The following ERICH1 variants were observed in gnomAD, a reference collection of about 807,000 sequenced individuals.
ERICH1 encodes the protein glutamate rich 1.
ERICH1 carries 56 observed loss-of-function variants against 39.6 expected under a neutral mutation model. The ratio of observed to expected loss-of-function variants is 1.41; its 90% confidence interval spans 1.14 to 1.77. The LOEUF (loss-of-function observed/expected upper bound fraction) is 1.77. Among genes scored for constraint, ERICH1 ranks in the 40% most tolerant of loss-of-function variants. The pLI, the probability that ERICH1 is intolerant of heterozygous loss-of-function variation, is 0.00. For synonymous variants in ERICH1, 313 were observed against 223.6 expected, an observed-to-expected ratio of 1.40 and a Z score of -3.57; for missense variants, 826 against 575.4, an observed-to-expected ratio of 1.44 and a Z score of -4.45.
intron 3 of ERICH1, among the ~76,000 whole-genome samples, chr8:680,750 A>G (rs1287487424): frequency 2.0e-5 from 3 of 152,256 alleles, no homozygotes; most frequent in Admixed American, 2.0e-4. Context: ...CAGGAGAAAA[A>G]GGAATGTGCC....
chr8:649,554 G>T (rs1209858290), intron 3 of ERICH1, among the ~76,000 whole-genome samples: 1 of 151,974 alleles, frequency 6.6e-6, no homozygotes, highest in African/African-American at 2.4e-5. Flanking sequence ...GGAGAGGTGA[G>T]CCCTGTTGTC....
chr8:693,132 CACAGAT>C (rs1160396685), intron 2 of ERICH1, among the ~76,000 whole-genome samples: 4 of 152,010 alleles, frequency 2.6e-5, no homozygotes, highest in South Asian at 4.2e-4. Context: ...CAGAGACACA[CACAGAT>C]ACAAACAGAC....
At chr8:662,194 A>G (rs116502222), downstream of ERICH1, among the ~76,000 whole-genome samples, 1,708 of 152,318 alleles carry the variant, frequency 0.011, 28 homozygotes, top group African/African-American at 0.039. Context: ...AAGGCTACAC[A>G]TGACCCACCA....
In ERICH1 at chr8:725,054, C is replaced by T. The variant is rs139213005; in HGVS notation, c.22+6086G>A. On this transcript the variant is annotated intron_variant, in intron 1 of 5. Transcript: ENST00000262109. ...ATGCCTGCTCACCTGCTGACCCCTC[C>T]GGCTTCTGTACCTGCTGTCCCCTCC... 3.8e-3 allele frequency: 629 copies of T among 165,688 alleles called. 3 individuals carry two copies. Among genetic ancestry groups the T allele is most frequent in the African/African-American group, 0.012 (495 of 41,648 alleles). 10.3% of individuals were successfully genotyped at this position (165,688 alleles called of 1,614,324 possible).
downstream of ERICH1, among the ~76,000 whole-genome samples, chr8:661,472 C>G (rs1270692690): frequency 6.6e-6 from 1 of 152,182 alleles, no homozygotes; most frequent in Non-Finnish European, 1.5e-5. Flanking sequence ...CTTCTAGGCA[C>G]AACTGTCTTA....
chr8:702,334 A>T (rs1034815201), intron 2 of ERICH1, among the ~76,000 whole-genome samples: 1 of 152,128 alleles, frequency 6.6e-6, no homozygotes, highest in African/African-American at 2.4e-5. Context: ...GAGAAACAAG[A>T]ACGCCGGCGA....
chr8:634,036 G>T (rs1236923666), intron 3 of ERICH1, among the ~76,000 whole-genome samples: 1 of 151,886 alleles, frequency 6.6e-6, no homozygotes, highest in Non-Finnish European at 1.5e-5. Context: ...GGGACTGCGT[G>T]GAAACAAAAA....
rs755963476 is a variant in ERICH1, at chr8:715,843, A to C, written c.169+18T>G. Reference sequence around the variant, plus strand: ...ACTTCAGTTTCTGAGACCCACCCACATCTGCAGACAAACTCACCTGTCAAA... The same window carrying C: ...ACTTCAGTTTCTGAGACCCACCCACCTCTGCAGACAAACTCACCTGTCAAA... On this transcript the variant is annotated intron_variant, in intron 2 of 5. Coordinates refer to ENST00000262109, the MANE Select transcript of ERICH1 (RefSeq NM_207332.3). 6.2e-6 allele frequency: 10 copies of C among 1,601,510 alleles called. No individual in the cohort carries two copies. In the African/African-American group the frequency reaches 1.2e-4, roughly 19 times the overall value.
rs1811639360 is a variant in ERICH1, at chr8:700,234, GGCCCGC to G, written c.170-7628_170-7623del. On this transcript the variant is annotated intron_variant, in intron 2 of 5. Coordinates refer to ENST00000262109, the MANE Select transcript of ERICH1 (RefSeq NM_207332.3). ...GCGCACACACCCGCACACGCGCACA[GGCCCGC>G]ACAGGCCCGCACACGCGCACAGGCC... Among the ~76,000 whole-genome samples the G allele has an allele frequency of 1.1e-4, 5 of 47,368 alleles. 1 individual carries two copies. Among genetic ancestry groups the G allele is most frequent in the Admixed American group, 2.3e-4 (1 of 4,316 alleles). The allele number at this position is 47,368 out of a possible 152,430, so 31.1% of individuals were successfully genotyped here.
At chr8:665,264 C>T (rs1352364826) in intron 5 of ERICH1, among the ~76,000 whole-genome samples, 2 of 151,990 alleles carry the variant, frequency 1.3e-5, no homozygotes, top group Non-Finnish European at 1.5e-5. Context: ...CACTGGTCCC[C>T]GGCTCCGACC....
intron 3 of ERICH1, among the ~76,000 whole-genome samples, chr8:638,120 C>G (rs1798589905): frequency 6.6e-6 from 1 of 152,262 alleles, no homozygotes. Context: ...GAGCACAACC[C>G]AGGCAAAGCA....
rs116428147 is a variant in ERICH1 at position 695,178 on chromosome 8, G to A, written c.170-2566C>T. On this transcript the variant is annotated intron_variant, in intron 2 of 5. Transcript: ENST00000262109. Reference sequence around the variant, plus strand: ...GCTGCTCCTGGCAGCCGACAGCTATGGAGGGGCTCACAGCCAGCCCCTGGC... The same window carrying A: ...GCTGCTCCTGGCAGCCGACAGCTATAGAGGGGCTCACAGCCAGCCCCTGGC... Among the ~76,000 whole-genome samples the A allele has an allele frequency of 8.8e-3, 1,340 of 152,122 alleles. 24 individuals carry two copies. The highest frequency in any genetic ancestry group is 0.031 in the African/African-American group (1,269 of 41,470).
chr8:636,852 G>A (rs570337255), intron 3 of ERICH1, among the ~76,000 whole-genome samples: 14 of 152,328 alleles, frequency 9.2e-5, no homozygotes, highest in African/African-American at 1.4e-4. Flanking sequence ...TCCAGGCCAC[G>A]TGTTGGGAGT....
intron 3 of ERICH1, among the ~76,000 whole-genome samples, chr8:619,591 A>G (rs1409625368): frequency 6.6e-6 from 1 of 152,216 alleles, no homozygotes; most frequent in Non-Finnish European, 1.5e-5. Context: ...AAATAAGGAG[A>G]TTAATATAAC....
intron 3 of ERICH1, among the ~76,000 whole-genome samples, chr8:674,692 A>T (rs1804269754): frequency 6.6e-6 from 1 of 152,206 alleles, no homozygotes; most frequent in Non-Finnish European, 1.5e-5. Flanking sequence ...TCTTTTAAAA[A>T]ATTTATTTTA....
At chr8:701,991 C>T (rs987071046) in intron 2 of ERICH1, among the ~76,000 whole-genome samples, 7 of 146,148 alleles carry the variant, frequency 4.8e-5, no homozygotes, top group African/African-American at 7.7e-5. Flanking sequence ...GCATGAGAAT[C>T]GCTTGAACCT....
intron 2 of ERICH1, among the ~76,000 whole-genome samples, chr8:697,891 G>A (rs1034700382): frequency 3.9e-5 from 6 of 152,194 alleles, no homozygotes; most frequent in African/African-American, 1.4e-4. Context: ...TCCCTGAGAC[G>A]AGGAGTGTAG....
rs1350771789 is a variant in ERICH1, at chr8:715,852, C to T, written c.169+9G>A. ...TCTGAGACCCACCCACATCTGCAGACAAACTCACCTGTCAAAGGCTCAGCA... is the reference window on the plus strand; with the variant it reads ...TCTGAGACCCACCCACATCTGCAGATAAACTCACCTGTCAAAGGCTCAGCA... On this transcript the variant is annotated intron_variant, in intron 2 of 5. Transcript: ENST00000262109. 2.2e-5 allele frequency: 36 copies of T among 1,605,080 alleles called. No homozygotes were observed. The highest frequency in any genetic ancestry group is 3.1e-5 in the Non-Finnish European group (36 of 1,176,758).
At chr8:633,484 A>T (rs749975488) in intron 3 of ERICH1, among the ~76,000 whole-genome samples, 18 of 152,216 alleles carry the variant, frequency 1.2e-4, no homozygotes, top group Non-Finnish European at 2.2e-4. Flanking sequence ...CCTCAAAACA[A>T]TATATCTTCC....
Sources: gnomAD v4.1 joint callset for allele counts (sites outside exome capture counted in the v4.1 genomes callset) on GRCh38, gnomAD v4.1.1 for gene constraint, MANE v1.5 for transcripts, NCBI Gene and HGNC (gene_info 2026-07-23, HGNC 2026-07-21) for gene names.